The following TRAK1 variants were observed in gnomAD, a reference collection of about 807,000 sequenced individuals.
TRAK1 encodes trafficking kinesin protein 1.
In TRAK1, 33 loss-of-function variants were observed where a neutral mutation model predicts 92.1. The ratio of observed to expected loss-of-function variants is 0.36; its 90% CI spans 0.27 to 0.48. TRAK1 has a LOEUF of 0.48. Ranked by LOEUF, TRAK1 falls within the 20% of genes least tolerant of loss-of-function variation. The probability of loss-of-function intolerance (pLI) is 0.99; values close to 1 mark genes in which losing one functional copy is unlikely to be tolerated. For missense variants in TRAK1, 1,123 were observed against 1,257.9 expected (o/e 0.89, Z 1.62); for synonymous variants, 521 against 517.3 (o/e 1.01, Z -0.10).
chr3:42,073,468 G>A (rs1704022658), intron 1 of TRAK1, among the ~76,000 whole-genome samples: 1 of 152,172 alleles, frequency 6.6e-6, no homozygotes, highest in Middle Eastern at 3.2e-3. Flanking sequence ...CTTTGATTAA[G>A]TCACTTAATC....
intron 2 of TRAK1, among the ~76,000 whole-genome samples, chr3:42,148,873 G>T (rs1390155060): frequency 6.6e-6 from 1 of 152,172 alleles, no homozygotes; most frequent in Non-Finnish European, 1.5e-5. Context: ...ATGATTTGCA[G>T]ATTTTAAAAG....
At chr3:42,023,744 GTTTTTTTT>G (rs780080581) in intron 1 of TRAK1, among the ~76,000 whole-genome samples, 1 of 99,054 alleles carries the variant, frequency 1.0e-5, no homozygotes, top group Non-Finnish European at 1.9e-5. Flanking sequence ...GCTCGTGAGG[GTTTTTTTT>G]TTTTTTTTTT....
chr3:42,151,112 G>A (rs1315837547), intron 2 of TRAK1, among the ~76,000 whole-genome samples: 2 of 152,198 alleles, frequency 1.3e-5, no homozygotes, highest in Admixed American at 6.5e-5. Context: ...TTACAGCAGG[G>A]TGCTGTCAGA....
chr3:42,048,875 A>G (rs550251921), intron 1 of TRAK1, among the ~76,000 whole-genome samples: 2 of 152,156 alleles, frequency 1.3e-5, no homozygotes, highest in South Asian at 4.1e-4. Context: ...TGCCTCTGTC[A>G]TTCTAAATAA....
chr3:42,037,730 G>A (rs1267729624), intron 1 of TRAK1, among the ~76,000 whole-genome samples: 1 of 152,232 alleles, frequency 6.6e-6, no homozygotes, highest in African/African-American at 2.4e-5. Flanking sequence ...GAGAGTGTGT[G>A]CTAGAGGAAA....
intron 1 of TRAK1, among the ~76,000 whole-genome samples, chr3:42,017,151 C>T (rs1011303648): frequency 5.3e-5 from 8 of 152,096 alleles, no homozygotes; most frequent in Non-Finnish European, 8.8e-5. Flanking sequence ...ATCCCAGCGA[C>T]GTGGGAGGCT....
intron 1 of TRAK1, among the ~76,000 whole-genome samples, chr3:42,041,348 CTAAGTA>C (rs1389544421): frequency 1.3e-5 from 2 of 151,818 alleles, no homozygotes; most frequent in Admixed American, 1.3e-4. Context: ...GAATTTATAC[CTAAGTA>C]TTTTATTCCT....
At chr3:42,086,585 G>T (rs1704691833), upstream of TRAK1, among the ~76,000 whole-genome samples, 1 of 152,036 alleles carries the variant, frequency 6.6e-6, no homozygotes, top group Non-Finnish European at 1.5e-5. Flanking sequence ...TCAAGGTGCT[G>T]GGATTACAGG....
intron 13 of TRAK1, among the ~76,000 whole-genome samples, chr3:42,209,164 G>T (rs891382632): frequency 7.2e-5 from 11 of 152,172 alleles, no homozygotes; most frequent in African/African-American, 2.7e-4. Flanking sequence ...TAACCCGGCA[G>T]CCTCTCAAAG....
In TRAK1 at chr3:42,110,457, G is replaced by A. The variant is rs534251545; in HGVS notation, c.92-14963G>A. ...GAGTCCTACACACAGAGCTTTTTAA[G>A]TTCCTATGAAGTAGTCCTGAAAGGG... On this transcript the variant is annotated intron_variant, in intron 1 of 15. Transcript: ENST00000327628. Among the ~76,000 whole-genome samples the A allele has an allele frequency of 4.3e-4, 65 of 152,144 alleles. 1 individual carries two copies. The highest frequency in any genetic ancestry group is 8.2e-4 in the Non-Finnish European group (56 of 67,982).
chr3:42,167,909 C>A (rs544550651), intron 2 of TRAK1, among the ~76,000 whole-genome samples: 84 of 152,208 alleles, frequency 5.5e-4, no homozygotes, highest in South Asian at 1.0e-3. Context: ...AACAAAAAAA[C>A]CAAGTAATGT....
chr3:42,196,768 G>A (rs1305347881), intron 10 of TRAK1, among the ~76,000 whole-genome samples: 1 of 149,836 alleles, frequency 6.7e-6, no homozygotes, highest in African/African-American at 2.5e-5. Flanking sequence ...AGCTGGTCTC[G>A]AATTCCTTAC....
chr3:42,068,136 G>A (rs1012693856), intron 1 of TRAK1, among the ~76,000 whole-genome samples: 5 of 151,862 alleles, frequency 3.3e-5, no homozygotes, highest in African/African-American at 1.2e-4. Flanking sequence ...CTCCAGCATG[G>A]GCAAGAGAGC....
intron 1 of TRAK1, among the ~76,000 whole-genome samples, chr3:42,116,647 G>A (rs910889033): frequency 6.6e-6 from 1 of 152,158 alleles, no homozygotes; most frequent in African/African-American, 2.4e-5. Flanking sequence ...ACATTGCTGT[G>A]GGTTTGCAGT....
intron 4 of TRAK1, among the ~76,000 whole-genome samples, chr3:42,185,655 C>T (rs1226210555): frequency 6.7e-6 from 1 of 148,640 alleles, no homozygotes; most frequent in Non-Finnish European, 1.5e-5. Context: ...GTTTCTTTTC[C>T]CCTTTTCTTA....
intron 2 of TRAK1, among the ~76,000 whole-genome samples, chr3:42,146,918 T>C (rs373000671): frequency 2.6e-5 from 4 of 152,220 alleles, no homozygotes; most frequent in African/African-American, 9.6e-5. Flanking sequence ...CCTAATTGGA[T>C]TGAACTGGCG....
chr3:42,192,092 A>C (rs1705842725), intron 7 of TRAK1, among the ~76,000 whole-genome samples: 1 of 151,868 alleles, frequency 6.6e-6, no homozygotes, highest in African/African-American at 2.4e-5. Flanking sequence ...TGTAGAGGCA[A>C]GGTTTCACCA....
chr3:42,014,871 A>G (rs894784183), intron 1 of TRAK1, among the ~76,000 whole-genome samples: 4 of 152,058 alleles, frequency 2.6e-5, no homozygotes, highest in Non-Finnish European at 5.9e-5. Context: ...AACGTTGTCA[A>G]TACTGTCTGT....
At chr3:42,068,342 CT>C (rs1703769764) in intron 1 of TRAK1, among the ~76,000 whole-genome samples, 1 of 151,928 alleles carries the variant, frequency 6.6e-6, no homozygotes, top group Non-Finnish European at 1.5e-5. Context: ...CTTTTTTAAT[CT>C]TTTGTAGAGA....
Sources: allele counts gnomAD v4.1 joint callset (sites outside exome capture counted in the v4.1 genomes callset), GRCh38; gene constraint gnomAD v4.1.1; transcripts MANE v1.5; gene names NCBI Gene and HGNC (gene_info 2026-07-23, HGNC 2026-07-21).